Variants in SOX6 observed in about 807,000 individuals in gnomAD.
The protein encoded by SOX6 is SRY-box transcription factor 6.
A neutral mutation model predicts 97.8 loss-of-function variants in SOX6; 11 were observed. The observed-to-expected ratio is 0.11, with a 90% CI of 0.07 to 0.19. The LOEUF (loss-of-function observed/expected upper bound fraction) is 0.19, where lower values mean the gene tolerates loss of function less well. Among genes scored for constraint, SOX6 ranks in the 10% least tolerant of loss-of-function variants. The probability of loss-of-function intolerance (pLI) is 1.00; values close to 1 mark genes in which losing one functional copy is unlikely to be tolerated. For missense variants in SOX6, 810 were observed against 1,039.5 expected (o/e 0.78, Z 3.04); for synonymous variants, 360 against 371.4 (o/e 0.97, Z 0.35).
intron 6 of SOX6, among the ~76,000 whole-genome samples, chr11:16,123,151 C>T (rs1419984898): frequency 2.6e-5 from 4 of 151,948 alleles, no homozygotes; most frequent in African/African-American, 4.8e-5. Context: ...ATAATCCTTA[C>T]TGATAGAAAT....
chr11:16,074,163 T>C (rs1025147172), intron 9 of SOX6, among the ~76,000 whole-genome samples: 1 of 152,046 alleles, frequency 6.6e-6, no homozygotes, highest in Admixed American at 6.6e-5. Context: ...AACCTGGTAG[T>C]TTGTTATTTG....
At position 16,006,217 on chromosome 11, in the gene SOX6, A is replaced by G. The variant is rs186124268; in HGVS notation, c.1732+8725T>C. 2.6e-3 allele frequency among the ~76,000 whole-genome samples: 390 copies of G among 152,180 alleles called. 2 individuals carry two copies. Among genetic ancestry groups the G allele is most frequent in the Middle Eastern group, 0.01 (3 of 294 alleles). ...TAATATTAAAGAGAGCAGAGGAATA[A>G]AGTGACTAACAGATCTCCAAAAACA... On this transcript the variant is annotated intron_variant, in intron 13 of 15. Coordinates refer to ENST00000683767, the MANE Select transcript of SOX6 (RefSeq NM_001367873.1).
In SOX6 at chr11:16,603,272, G is replaced by C. The variant is rs77403775; in HGVS notation, n.609+8809C>G. ...TCATGTTCATGGCTGCAGAAATCTG[G>C]TCTCTGCCAGAAAGTGCAGGCTAAA... On this transcript the variant is annotated intron_variant and non_coding_transcript_variant, in intron 4 of 5. Transcript: ENST00000524520. Among the ~76,000 whole-genome samples, 1,160 of 152,274 alleles carry C rather than the reference G, an allele frequency of 7.6e-3. 15 individuals carry two copies. The highest frequency in any genetic ancestry group is 0.025 in the African/African-American group (1,051 of 41,560).
At chr11:16,589,737 G>A (rs962977623) in intron 4 of SOX6, among the ~76,000 whole-genome samples, 1 of 151,956 alleles carries the variant, frequency 6.6e-6, no homozygotes, top group Non-Finnish European at 1.5e-5. Flanking sequence ...TTGCCCTATT[G>A]TACTTTCAGA....
intron 1 of SOX6, among the ~76,000 whole-genome samples, chr11:16,341,724 T>G (rs1347981701): frequency 2.0e-5 from 3 of 152,002 alleles, no homozygotes; most frequent in Non-Finnish European, 4.4e-5. Flanking sequence ...AAGGGGGATA[T>G]GTAGGAAAAT....
intron 4 of SOX6, among the ~76,000 whole-genome samples, chr11:16,609,780 T>G (rs1848375991): frequency 6.6e-6 from 1 of 152,188 alleles, no homozygotes; most frequent in Admixed American, 6.5e-5. Flanking sequence ...AGTCATATGC[T>G]CCTGGCCCAC....
chr11:16,236,236 G>C (rs2134178293), intron 3 of SOX6, among the ~76,000 whole-genome samples: 1 of 151,876 alleles, frequency 6.6e-6, no homozygotes, highest in South Asian at 2.1e-4. Flanking sequence ...CATATGTTCG[G>C]GTTGCATTTA....
chr11:16,493,604 T>C (rs775881387), intron 4 of SOX6, among the ~76,000 whole-genome samples: 2 of 152,220 alleles, frequency 1.3e-5, no homozygotes, highest in Non-Finnish European at 2.9e-5. Context: ...CAACTTCTTC[T>C]TTTGTGCACA....
At chr11:16,164,170 T>G (rs1408293345) in intron 6 of SOX6, among the ~76,000 whole-genome samples, 1 of 152,138 alleles carries the variant, frequency 6.6e-6, no homozygotes, top group Non-Finnish European at 1.5e-5. Flanking sequence ...GGTCTCACTA[T>G]GTTGCCCAGG....
intron 6 of SOX6, among the ~76,000 whole-genome samples, chr11:16,171,782 G>A (rs539102488): frequency 3.3e-5 from 5 of 151,746 alleles, no homozygotes; most frequent in African/African-American, 1.2e-4. Context: ...GAATTTTAGT[G>A]AGTAATTACC....
At chr11:16,275,285 CAAAAAAAAAA>C (rs869208945) in intron 3 of SOX6, among the ~76,000 whole-genome samples, 2 of 123,064 alleles carry the variant, frequency 1.6e-5, no homozygotes, top group Non-Finnish European at 3.3e-5. Context: ...ACCAAAAATA[CAAAAAAAAAA>C]AAAAAAAAAA....
intron 3 of SOX6, among the ~76,000 whole-genome samples, chr11:16,259,187 G>A (rs1444169879): frequency 6.6e-6 from 1 of 151,736 alleles, no homozygotes; most frequent in East Asian, 1.9e-4. Flanking sequence ...GCAAAAAATA[G>A]AAAATAAATT....
chr11:16,445,331 C>T lies in SOX6; in HGVS notation c.-5+30984G>A, dbSNP rs186155199. 6.2e-4 allele frequency among the ~76,000 whole-genome samples: 95 copies of T among 152,276 alleles called. 1 individual carries two copies. The South Asian group carries it at 9.5e-3, about 15-fold the overall frequency. On this transcript the variant is annotated intron_variant, in intron 1 of 15. Transcript: ENST00000396356. ...AACAATTACTGTTCTCCTTCATCTC[C>T]GGTCTCATCTGAATATACTAATGCT...
chr11:16,326,780 A>T (rs1856106727), intron 2 of SOX6, among the ~76,000 whole-genome samples: 1 of 152,160 alleles, frequency 6.6e-6, no homozygotes, highest in South Asian at 2.1e-4. Context: ...GTAGGTCAGG[A>T]ATTTTGGAGC....
intron 6 of SOX6, among the ~76,000 whole-genome samples, chr11:16,140,129 C>T (rs545706840): frequency 2.7e-4 from 41 of 152,096 alleles, no homozygotes; most frequent in Middle Eastern, 3.4e-3. Context: ...TCTCCTCATC[C>T]TCCTGAGCCA....
chr11:16,229,792 G>A (rs1388911729), intron 4 of SOX6, among the ~76,000 whole-genome samples: 1 of 151,804 alleles, frequency 6.6e-6, no homozygotes, highest in Non-Finnish European at 1.5e-5. Flanking sequence ...TCTAGGCCTA[G>A]ATGTTTTATG....
intron 3 of SOX6, among the ~76,000 whole-genome samples, chr11:16,251,443 T>C (rs977533221): frequency 6.7e-6 from 1 of 149,832 alleles, no homozygotes; most frequent in Non-Finnish European, 1.5e-5. Context: ...ATTCCATATA[T>C]ATGTATTCTT....
At chr11:16,724,951 G>C (rs1848295100) in intron 2 of SOX6, among the ~76,000 whole-genome samples, 1 of 152,156 alleles carries the variant, frequency 6.6e-6, no homozygotes, top group Admixed American at 6.5e-5. Flanking sequence ...AAAACAGTCT[G>C]ACAGTTCCTC....
chr11:16,188,125 G>A (rs1298565483), intron 4 of SOX6, among the ~76,000 whole-genome samples: 1 of 151,684 alleles, frequency 6.6e-6, no homozygotes, highest in East Asian at 1.9e-4. Context: ...AGAGGATGCA[G>A]GCTAGCACTT....
Sources: gnomAD v4.1 joint callset for allele counts (sites outside exome capture counted in the v4.1 genomes callset) on GRCh38, gnomAD v4.1.1 for gene constraint, MANE v1.5 for transcripts, NCBI Gene and HGNC (gene_info 2026-07-23, HGNC 2026-07-21) for gene names.